Variants in SLC71A2 observed in about 807,000 individuals in gnomAD.
SLC71A2 encodes hippocampus abundant transcript-like 1.
chr9:94,402,792 C>T, the SLC71A2 span, among the ~76,000 whole-genome samples: 38 of 152,310 alleles, frequency 2.5e-4, no homozygotes, highest in South Asian at 1.7e-3. Flanking sequence ...ACCAAGTTCA[C>T]TTATATTTTC....
At chr9:94,393,021 T>C in the SLC71A2 span, among the ~76,000 whole-genome samples, 4 of 152,262 alleles carry the variant, frequency 2.6e-5, no homozygotes, top group East Asian at 7.7e-4. Context: ...TCTGAACTCT[T>C]CTTGGCCATC....
At chr9:94,403,034 T>C in the SLC71A2 span, among the ~76,000 whole-genome samples, 1 of 152,228 alleles carries the variant, frequency 6.6e-6, no homozygotes, top group African/African-American at 2.4e-5. Context: ...ACTCCCTAGC[T>C]CCTGGTAGTC....
the SLC71A2 span, chr9:94,433,031 T>C: frequency 0.16 from 69,429 of 431,230 alleles, 6,313 homozygotes; most frequent in African/African-American, 0.27. Flanking sequence ...GGGACACTGG[T>C]CCTGGCACTA....
chr9:94,459,208 C>T, the SLC71A2 span: 5 of 1,613,980 alleles, frequency 3.1e-6, no homozygotes, highest in Non-Finnish European at 4.2e-6. Flanking sequence ...CATGTATAGT[C>T]CTTATGTCTT....
At chr9:94,390,651 T>C in the SLC71A2 span, among the ~76,000 whole-genome samples, 4 of 152,246 alleles carry the variant, frequency 2.6e-5, no homozygotes, top group Non-Finnish European at 4.4e-5. Context: ...CACATGTGAC[T>C]GCTTTGATTT....
chr9:94,425,173 G>A, the SLC71A2 span, among the ~76,000 whole-genome samples: 2 of 151,954 alleles, frequency 1.3e-5, no homozygotes, highest in African/African-American at 2.4e-5. Context: ...GCATGGTGAC[G>A]CACTCCTGTA....
At chr9:94,427,466 G>C in the SLC71A2 span, among the ~76,000 whole-genome samples, 2 of 151,060 alleles carry the variant, frequency 1.3e-5, no homozygotes, top group African/African-American at 2.4e-5. Context: ...TTCATCCATA[G>C]ATACGGTTTT....
the SLC71A2 span, among the ~76,000 whole-genome samples, chr9:94,404,525 A>G: frequency 1.5e-3 from 226 of 152,210 alleles, 1 homozygote; most frequent in African/African-American, 4.8e-3. Flanking sequence ...CAAATTCCTG[A>G]TCTCAAGTGA....
the SLC71A2 span, among the ~76,000 whole-genome samples, chr9:94,396,772 T>G: frequency 6.6e-6 from 1 of 151,982 alleles, no homozygotes; most frequent in Admixed American, 6.6e-5. Flanking sequence ...CTCTAATATA[T>G]TTTTTTTCTT....
chr9:94,403,977 T>C, the SLC71A2 span, among the ~76,000 whole-genome samples: 1 of 152,294 alleles, frequency 6.6e-6, no homozygotes, highest in Non-Finnish European at 1.5e-5. Flanking sequence ...GCTACACCAT[T>C]ATCAATGGAT....
At chr9:94,460,977 G>GTTCTCTCTCTTT in the SLC71A2 span, 1 of 151,762 alleles carries the variant, frequency 6.6e-6, no homozygotes, top group Non-Finnish European at 1.5e-5. Context: ...TCTCTGTTGG[G>GTTCTCTCTCTTT]TGGCTTTCAA....
At chr9:94,418,919 C>T in the SLC71A2 span, among the ~76,000 whole-genome samples, 30,271 of 151,772 alleles carry the variant, frequency 0.2, 3,249 homozygotes, top group African/African-American at 0.28. Flanking sequence ...AACATGGATT[C>T]GTTTAGTTCT....
the SLC71A2 span, among the ~76,000 whole-genome samples, chr9:94,418,596 C>T: frequency 4.6e-5 from 7 of 151,638 alleles, no homozygotes; most frequent in South Asian, 2.1e-4. Flanking sequence ...CCACCACGTC[C>T]GACTAATTTT....
chr9:94,428,681 T>C, the SLC71A2 span, among the ~76,000 whole-genome samples: 1 of 149,382 alleles, frequency 6.7e-6, no homozygotes, highest in Admixed American at 6.7e-5. Flanking sequence ...CATACTGTTA[T>C]CACCCAAATT....
the SLC71A2 span, among the ~76,000 whole-genome samples, chr9:94,400,042 C>T: frequency 6.6e-6 from 1 of 152,088 alleles, no homozygotes; most frequent in Non-Finnish European, 1.5e-5. Context: ...AACTCATGAT[C>T]TCAAGTGATC....
the SLC71A2 span, among the ~76,000 whole-genome samples, chr9:94,403,566 A>G: frequency 6.6e-6 from 1 of 151,138 alleles, no homozygotes; most frequent in Non-Finnish European, 1.5e-5. Context: ...TTGTTTAAAC[A>G]TTCATAAGTT....
At chr9:94,400,675 C>G in the SLC71A2 span, among the ~76,000 whole-genome samples, 2 of 151,942 alleles carry the variant, frequency 1.3e-5, no homozygotes, top group Non-Finnish European at 2.9e-5. Context: ...CAATTAGATT[C>G]TTTTGCTACA....
chr9:94,399,247 C>G, the SLC71A2 span, among the ~76,000 whole-genome samples: 1 of 152,170 alleles, frequency 6.6e-6, no homozygotes, highest in Admixed American at 6.5e-5. Context: ...CCACGCTCCT[C>G]TTACATATTT....
the SLC71A2 span, chr9:94,458,502 A>G: frequency 8.8e-6 from 14 of 1,595,134 alleles, no homozygotes; most frequent in Non-Finnish European, 1.2e-5. Flanking sequence ...AACAACAATT[A>G]TGTATGATTA....
Sources: allele counts gnomAD v4.1 joint callset (sites outside exome capture counted in the v4.1 genomes callset), GRCh38; gene constraint gnomAD v4.1.1; transcripts MANE v1.5; gene names NCBI Gene and HGNC (gene_info 2026-07-23, HGNC 2026-07-21).